The following TMEM108 variants were observed in gnomAD, a reference collection of about 807,000 sequenced individuals.
TMEM108 encodes transmembrane protein 108, also known as cancer/testis antigen 124.
TMEM108 carries 12 observed loss-of-function variants against 35.1 expected under a neutral mutation model. The ratio of observed to expected loss-of-function variants is 0.34; its 90% confidence interval spans 0.22 to 0.55. The LOEUF (loss-of-function observed/expected upper bound fraction) is 0.55, where lower values mean the gene tolerates loss of function less well. Ranked by LOEUF, TMEM108 falls within the 20% of genes least tolerant of loss-of-function variation. The pLI is 0.89. For missense variants in TMEM108, 680 were observed against 753.3 expected (o/e 0.90, Z 1.14); for synonymous variants, 287 against 308.6 (o/e 0.93, Z 0.73).
intron 3 of TMEM108, among the ~76,000 whole-genome samples, chr3:133,251,923 C>T (rs1029212945): frequency 1.1e-4 from 16 of 152,124 alleles, no homozygotes; most frequent in Admixed American, 2.6e-4. Context: ...ATTTTTCTGA[C>T]GGCCTATGAT....
intron 3 of TMEM108, among the ~76,000 whole-genome samples, chr3:133,229,997 G>A (rs1044667593): frequency 6.6e-6 from 1 of 152,226 alleles, no homozygotes; most frequent in African/African-American, 2.4e-5. Context: ...TTTGGGATTA[G>A]AATTGCTACT....
chr3:133,261,463 GGCTGT>G (rs1233338565), intron 3 of TMEM108, among the ~76,000 whole-genome samples: 1 of 152,104 alleles, frequency 6.6e-6, no homozygotes, highest in Admixed American at 6.6e-5. Flanking sequence ...CACTCTTCCT[GGCTGT>G]GCATCAGTGA....
At chr3:133,077,775 A>C (rs1198326224) in intron 2 of TMEM108, among the ~76,000 whole-genome samples, 1 of 152,154 alleles carries the variant, frequency 6.6e-6, no homozygotes. Context: ...TTAGGGATAC[A>C]GGAGAGATGG....
At chr3:133,271,864 T>G (rs1289412513) in intron 3 of TMEM108, among the ~76,000 whole-genome samples, 2 of 152,220 alleles carry the variant, frequency 1.3e-5, no homozygotes, top group Non-Finnish European at 2.9e-5. Context: ...TTTCAGCCTC[T>G]GTGCTGGGCT....
intron 3 of TMEM108, among the ~76,000 whole-genome samples, chr3:133,338,763 A>T (rs1163783736): frequency 2.0e-5 from 3 of 152,082 alleles, no homozygotes; most frequent in Non-Finnish European, 4.4e-5. Context: ...GAAGACATTG[A>T]CAGCACGATA....
chr3:133,366,470 G>T (rs1238602993), intron 3 of TMEM108, among the ~76,000 whole-genome samples: 1 of 152,184 alleles, frequency 6.6e-6, no homozygotes, highest in Non-Finnish European at 1.5e-5. Context: ...GCCTTCCCAG[G>T]TTCCTCCAGC....
intron 2 of TMEM108, among the ~76,000 whole-genome samples, chr3:133,207,956 A>T (rs781186593): frequency 1.6e-4 from 25 of 152,186 alleles, no homozygotes; most frequent in Non-Finnish European, 3.2e-4. Flanking sequence ...GCATGTTACA[A>T]TTGAAAGGGA....
At chr3:133,182,520 C>T (rs770581084) in intron 2 of TMEM108, among the ~76,000 whole-genome samples, 4 of 152,284 alleles carry the variant, frequency 2.6e-5, no homozygotes, top group South Asian at 2.1e-4. Flanking sequence ...ACTGATGTCA[C>T]GTTGAGGTCT....
At chr3:133,386,934 CT>C (rs1339978038) in intron 4 of TMEM108, 1 of 851,986 alleles carries the variant, frequency 1.2e-6, no homozygotes, top group Admixed American at 5.9e-5. Flanking sequence ...TAGTGCCTTC[CT>C]CAGGCAGTTA....
At chr3:133,333,668 G>C (rs1360915691) in intron 3 of TMEM108, among the ~76,000 whole-genome samples, 1 of 152,198 alleles carries the variant, frequency 6.6e-6, no homozygotes, top group Non-Finnish European at 1.5e-5. Flanking sequence ...AGTTGAAATA[G>C]AGAAGTAACT....
chr3:133,038,492 G>C (rs1478505409), intron 1 of TMEM108, 57 bp downstream of exon 1: 1 of 152,352 alleles, frequency 6.6e-6, no homozygotes, highest in Non-Finnish European at 1.5e-5. Flanking sequence ...CCCGGCAAGC[G>C]GGTTAGGCTG....
At chr3:133,362,628 G>C (rs1298166330) in intron 3 of TMEM108, among the ~76,000 whole-genome samples, 1 of 152,142 alleles carries the variant, frequency 6.6e-6, no homozygotes, top group Non-Finnish European at 1.5e-5. Context: ...AGTTAGTGTA[G>C]AATCTTTTCC....
intron 3 of TMEM108, among the ~76,000 whole-genome samples, chr3:133,237,018 G>C (rs1247041191): frequency 2.6e-5 from 4 of 152,094 alleles, no homozygotes; most frequent in Non-Finnish European, 5.9e-5. Flanking sequence ...TTTGCATTTT[G>C]AAGTGATTTG....
At chr3:133,388,275 C>T in intron 4 of TMEM108, 2 of 985,104 alleles carry the variant, frequency 2.0e-6, no homozygotes, top group Non-Finnish European at 2.4e-6. Context: ...AGAACAGAGA[C>T]ACCAGAGAAG....
At chr3:133,344,161 T>C (rs532623972) in intron 3 of TMEM108, among the ~76,000 whole-genome samples, 10 of 151,866 alleles carry the variant, frequency 6.6e-5, no homozygotes, top group African/African-American at 2.4e-4. Flanking sequence ...TTAAAAACCC[T>C]TAAATTCAAA....
chr3:133,309,961 A>G (rs528288895), intron 3 of TMEM108, among the ~76,000 whole-genome samples: 3 of 151,930 alleles, frequency 2.0e-5, no homozygotes, highest in Non-Finnish European at 4.4e-5. Flanking sequence ...CGGCCTCCCA[A>G]AGTGCTGGGA....
chr3:133,282,591 C>T (rs1203091003), intron 3 of TMEM108, among the ~76,000 whole-genome samples: 1 of 152,158 alleles, frequency 6.6e-6, no homozygotes, highest in Non-Finnish European at 1.5e-5. Flanking sequence ...TCAGGTGGTA[C>T]CCAAGAAGAA....
In TMEM108 at chr3:133,228,881, G is replaced by A. The variant is rs1043796461; in HGVS notation, c.-46-385G>A. Reference sequence around the variant, plus strand: ...GGCGAAGCTTTCTGGCTTGTTTTTTGTTTGTTTTATTTGGGTGTTTGCTTG... The same window carrying A: ...GGCGAAGCTTTCTGGCTTGTTTTTTATTTGTTTTATTTGGGTGTTTGCTTG... On this transcript the variant is annotated intron_variant, in intron 2 of 5. Coordinates refer to ENST00000321871, the MANE Select transcript of TMEM108 (RefSeq NM_023943.4). Among the ~76,000 whole-genome samples, 5 of 152,016 alleles carry A rather than the reference G, an allele frequency of 3.3e-5. No homozygotes were observed. The South Asian group carries it at 1.0e-3, about 32-fold the overall frequency.
chr3:133,258,928 G>T (rs1016731304), intron 3 of TMEM108, among the ~76,000 whole-genome samples: 1 of 152,218 alleles, frequency 6.6e-6, no homozygotes, highest in Non-Finnish European at 1.5e-5. Context: ...TTGAGAGAAT[G>T]ATTTGAAAAT....
Sources: gnomAD v4.1 joint callset for allele counts (sites outside exome capture counted in the v4.1 genomes callset) on GRCh38, gnomAD v4.1.1 for gene constraint, MANE v1.5 for transcripts, NCBI Gene and HGNC (gene_info 2026-07-23, HGNC 2026-07-21) for gene names.